Variants in PSTPIP2 observed in about 807,000 individuals in gnomAD.
The protein encoded by PSTPIP2 is proline-serine-threonine phosphatase-interacting protein 2.
PSTPIP2 carries 33 observed loss-of-function variants against 63.3 expected under a neutral mutation model. The observed-to-expected ratio is 0.52, with a 90% CI of 0.40 to 0.70. The LOEUF (loss-of-function observed/expected upper bound fraction) is 0.70, where lower values mean the gene tolerates loss of function less well. Ranked by LOEUF, PSTPIP2 falls within the 30% of genes least tolerant of loss-of-function variation. The pLI, the probability that PSTPIP2 is intolerant of heterozygous loss-of-function variation, is 0.00. For missense variants in PSTPIP2, 312 were observed against 400.7 expected (o/e 0.78, Z 1.89); for synonymous variants, 125 against 132.7 (o/e 0.94, Z 0.40).
At chr18:46,042,641 G>T (rs1908233841) in intron 1 of PSTPIP2, among the ~76,000 whole-genome samples, 2 of 152,180 alleles carry the variant, frequency 1.3e-5, no homozygotes, top group Admixed American at 1.3e-4. Flanking sequence ...GCTGCCAGAT[G>T]CATTAGAAGA....
intron 1 of PSTPIP2, among the ~76,000 whole-genome samples, chr18:46,054,922 CCTA>C (rs1436522992): frequency 1.3e-5 from 2 of 152,180 alleles, no homozygotes; most frequent in African/African-American, 4.8e-5. Context: ...CTCCCAAAAA[CCTA>C]CTAATTTTTA....
At chr18:46,010,482 G>A (rs2051782933) in intron 5 of PSTPIP2, among the ~76,000 whole-genome samples, 1 of 152,218 alleles carries the variant, frequency 6.6e-6, no homozygotes, top group Non-Finnish European at 1.5e-5. Flanking sequence ...CATGGCTGCA[G>A]GATCAGCCTG....
Position 45,988,733 on chromosome 18 carries a change from C to A in PSTPIP2, c.982G>T (p.Asp328Tyr). 1 of 1,566,132 alleles carries A rather than the reference C, an allele frequency of 6.4e-7. No homozygotes were observed. The highest frequency in any genetic ancestry group is 1.1e-5 in the South Asian group (1 of 90,066). Reference protein sequence around the residue: ...PDDPNYSLVDDYSLLYQ With the variant: ...PDDPNYSLVDYYSLLYQ ...TTTTACTGATAGAGCAAACTGTAGT[C>A]ATCAACCAAAGAGTAATTGGGATCA... The change falls in exon 14 of 15, where the codon GAC becomes TAC. Residue 328 changes from aspartate (D) to tyrosine (Y), a missense_variant. Physicochemically the swap from Asp to Tyr is radical, Grantham distance 160 (BLOSUM62 -3). Transcript: ENST00000409746.
At position 46,064,278 on chromosome 18, in the gene PSTPIP2, C is replaced by T. The variant is rs1349817536; in HGVS notation, c.33+7878G>A. Among the ~76,000 whole-genome samples the T allele has an allele frequency of 2.5e-4, 28 of 112,942 alleles. 1 individual carries two copies. Among genetic ancestry groups the T allele is most frequent in the East Asian group, 7.6e-4 (3 of 3,954 alleles). The allele number at this position is 112,942 out of a possible 152,430, so 74.1% of individuals were successfully genotyped here. On this transcript the variant is annotated intron_variant, in intron 1 of 14. Coordinates refer to ENST00000409746, the MANE Select transcript of PSTPIP2 (RefSeq NM_024430.4). ...TTTTCTTTTTTTCTTCTTTCTTTTT[C>T]TTTCTTTTTTTTTTTTTTTTTTTTT...
chr18:46,035,440 G>GAA (rs1907936339), intron 2 of PSTPIP2, among the ~76,000 whole-genome samples: 2 of 149,242 alleles, frequency 1.3e-5, no homozygotes, highest in African/African-American at 2.5e-5. Context: ...AAAGAAAAGA[G>GAA]AGAGAGAGAG....
intron 8 of PSTPIP2, among the ~76,000 whole-genome samples, chr18:45,998,290 C>A (rs1461545849): frequency 6.6e-6 from 1 of 152,222 alleles, no homozygotes; most frequent in Admixed American, 6.5e-5. Context: ...ATATTTCCTG[C>A]AGGATATTCT....
chr18:46,021,461 T>C (rs1238867125), intron 3 of PSTPIP2, among the ~76,000 whole-genome samples: 5 of 150,962 alleles, frequency 3.3e-5, no homozygotes, highest in Non-Finnish European at 7.4e-5. Context: ...ATAAAGCAAA[T>C]AATTATACTA....
chr18:46,028,298 C>T (rs1907663729), intron 2 of PSTPIP2: 2 of 458,122 alleles, frequency 4.4e-6, no homozygotes, highest in South Asian at 3.6e-5. Context: ...AAGCGTTAGC[C>T]CGGAACGAGG....
intron 14 of PSTPIP2, among the ~76,000 whole-genome samples, chr18:45,986,763 A>T (rs2051471558): frequency 6.6e-6 from 1 of 152,266 alleles, no homozygotes; most frequent in Admixed American, 6.5e-5. Flanking sequence ...ATTTTATAGC[A>T]AAGTTGCTTA....
intron 2 of PSTPIP2, among the ~76,000 whole-genome samples, chr18:46,030,369 AAAGT>A (rs1907748727): frequency 2.0e-5 from 3 of 152,198 alleles, no homozygotes; most frequent in Non-Finnish European, 4.4e-5. Context: ...TTGAAAAAAA[AAAGT>A]AAGAGGATAG....
At chr18:46,069,823 C>T (rs1219456991) in intron 1 of PSTPIP2, among the ~76,000 whole-genome samples, 1 of 152,078 alleles carries the variant, frequency 6.6e-6, no homozygotes, top group Non-Finnish European at 1.5e-5. Flanking sequence ...TTTCTCTGTC[C>T]CCTTTCTCCT....
chr18:46,047,751 T>C (rs1908436615), intron 1 of PSTPIP2, among the ~76,000 whole-genome samples: 1 of 152,202 alleles, frequency 6.6e-6, no homozygotes, highest in Admixed American at 6.5e-5. Flanking sequence ...TTCAATAAAG[T>C]TGGGAAAAAA....
At chr18:46,039,387 G>C (rs186584509) in intron 2 of PSTPIP2, among the ~76,000 whole-genome samples, 1 of 152,070 alleles carries the variant, frequency 6.6e-6, no homozygotes, top group African/African-American at 2.4e-5. Flanking sequence ...CATCCTCCTG[G>C]TCTCTGAGCT....
intron 1 of PSTPIP2, among the ~76,000 whole-genome samples, chr18:46,052,910 T>C (rs1419942859): frequency 2.0e-5 from 3 of 152,232 alleles, no homozygotes; most frequent in Non-Finnish European, 4.4e-5. Flanking sequence ...GTAGAGTACA[T>C]CTTGGAGATC....
In PSTPIP2 at chr18:46,021,144, T is replaced by C. The variant is rs151055916; in HGVS notation, c.212+3465A>G. Among the ~76,000 whole-genome samples the C allele has an allele frequency of 2.5e-3, 381 of 152,332 alleles. 1 individual carries two copies. Among genetic ancestry groups the C allele is most frequent in the African/African-American group, 8.6e-3 (356 of 41,578 alleles). ...GTGAAACTTGTCTAAGTTGATGTAG[T>C]TTGGACCCTTGGACGTGCAAATGTT... On this transcript the variant is annotated intron_variant, in intron 3 of 14. Transcript: ENST00000409746.
At position 46,050,619 on chromosome 18, in the gene PSTPIP2, A is replaced by T. The variant is rs542064600; in HGVS notation, c.34-10572T>A. Among the ~76,000 whole-genome samples the T allele has an allele frequency of 3.3e-5, 5 of 152,342 alleles. No homozygotes were observed. In the South Asian group the frequency reaches 1.0e-3, roughly 32 times the overall value. Reference sequence around the variant, plus strand: ...GGAAGCAACCTAAATATTCAGCAATAAAGATTATTTAAATAAATTATGTAC... The same window carrying T: ...GGAAGCAACCTAAATATTCAGCAATTAAGATTATTTAAATAAATTATGTAC... On this transcript the variant is annotated intron_variant, in intron 1 of 14. Coordinates refer to ENST00000409746, the MANE Select transcript of PSTPIP2 (RefSeq NM_024430.4).
At chr18:45,988,297 T>TGGGGGTGC (rs2051487786) in intron 14 of PSTPIP2, among the ~76,000 whole-genome samples, 1 of 150,998 alleles carries the variant, frequency 6.6e-6, no homozygotes, top group African/African-American at 2.5e-5. Context: ...TAGCTGGGTG[T>TGGGGGTGC]GGTGGTGCAT....
intron 3 of PSTPIP2, among the ~76,000 whole-genome samples, chr18:46,020,526 G>A (rs1907308466): frequency 6.6e-6 from 1 of 152,118 alleles, no homozygotes; most frequent in Non-Finnish European, 1.5e-5. Context: ...GGTGGCGAGT[G>A]CCTATAATCT....
At chr18:46,040,557 CCTTG>C (rs1387394423) in intron 1 of PSTPIP2, among the ~76,000 whole-genome samples, 1 of 152,138 alleles carries the variant, frequency 6.6e-6, no homozygotes, top group Non-Finnish European at 1.5e-5. Context: ...CTTTAAAAAC[CCTTG>C]CTTGTAAGCC....
Sources: allele counts gnomAD v4.1 joint callset (sites outside exome capture counted in the v4.1 genomes callset), GRCh38; gene constraint gnomAD v4.1.1; transcripts MANE v1.5; gene names NCBI Gene and HGNC (gene_info 2026-07-23, HGNC 2026-07-21).